LGR5: variants seen among roughly 807,000 people sequenced by gnomAD.
LGR5 encodes leucine rich repeat containing G protein-coupled receptor 5, also known as leucine-rich repeat-containing G protein-coupled receptor 5.
Under a neutral mutation model 76.7 loss-of-function variants are expected in LGR5, and 54 were observed. That is an observed-to-expected ratio of 0.70 (90% CI 0.57 to 0.88). The LOEUF is 0.88. LGR5 is among the 40% of genes least tolerant of loss of function. The pLI is 0.00. For missense variants in LGR5, 1,078 were observed against 1,073.3 expected, an observed-to-expected ratio of 1.00 and a Z score of -0.06; for synonymous variants, 406 against 421.9, an observed-to-expected ratio of 0.96 and a Z score of 0.46.
chr12:71,545,346 G>A (rs1431353171), intron 4 of LGR5, among the ~76,000 whole-genome samples: 1 of 152,084 alleles, frequency 6.6e-6, no homozygotes, highest in Admixed American at 6.5e-5. Context: ...TGCTCTGCTG[G>A]GGAGGCTGAG....
At chr12:71,560,582 A>G (rs2075567832) in intron 7 of LGR5, among the ~76,000 whole-genome samples, 1 of 152,200 alleles carries the variant, frequency 6.6e-6, no homozygotes, top group Admixed American at 6.5e-5. Flanking sequence ...ACTCGAGGCC[A>G]GGAGTTCGAG....
At chr12:71,560,717 A>G (rs551167413) in intron 7 of LGR5, among the ~76,000 whole-genome samples, 5 of 152,298 alleles carry the variant, frequency 3.3e-5, no homozygotes, top group African/African-American at 4.8e-5. Flanking sequence ...GCTTTGAACC[A>G]GAGGGGCGGT....
rs1212076499 is a variant in LGR5 at position 71,440,738 on chromosome 12, G to A, written c.212+446G>A. Among the ~76,000 whole-genome samples the A allele has an allele frequency of 6.6e-6, 1 of 152,212 alleles. No individual in the cohort carries two copies. The highest frequency in any genetic ancestry group is 2.1e-4 in the South Asian group (1 of 4,836). The stretch of plus-strand genomic sequence containing the variant: ...GTCTGTAGAAAGTTTCCCCAAAGGA[G>A]AAACAACTTGCCCAGCTCCAAAGGG... On this transcript the variant is annotated intron_variant, in intron 1 of 17. Coordinates refer to ENST00000266674, the MANE Select transcript of LGR5 (RefSeq NM_003667.4). This position sits in a 1 kb window ranked among gnomAD's most constrained non-coding sequence, Gnocchi z 5.3.
chr12:71,562,744 C>G (rs1878124040), intron 8 of LGR5, among the ~76,000 whole-genome samples: 1 of 152,020 alleles, frequency 6.6e-6, no homozygotes, highest in Non-Finnish European at 1.5e-5. Context: ...GAATGAGAAG[C>G]CTGAATATAG....
At chr12:71,454,078 T>A (rs779286271) in intron 1 of LGR5, among the ~76,000 whole-genome samples, 9 of 152,134 alleles carry the variant, frequency 5.9e-5, no homozygotes, top group Non-Finnish European at 1.0e-4. Context: ...TGAGCAGTTC[T>A]TGGAGCAGAC....
chr12:71,575,950 G>A (rs1396761891), intron 13 of LGR5, among the ~76,000 whole-genome samples: 2 of 152,150 alleles, frequency 1.3e-5, no homozygotes, highest in Non-Finnish European at 2.9e-5. Context: ...CACATGGGTG[G>A]AGCTGGAAGC....
intron 1 of LGR5, among the ~76,000 whole-genome samples, chr12:71,501,084 A>C (rs1051588063): frequency 6.6e-6 from 1 of 151,710 alleles, no homozygotes; most frequent in Non-Finnish European, 1.5e-5. Context: ...GATATGTTTT[A>C]AAAAAACAGA....
intron 1 of LGR5, among the ~76,000 whole-genome samples, chr12:71,484,755 A>G (rs1305517311): frequency 1.3e-5 from 2 of 152,236 alleles, no homozygotes; most frequent in African/African-American, 4.8e-5. Flanking sequence ...CCTCTCCACA[A>G]ATAACTACAT....
chr12:71,535,202 A>G lies in LGR5; in HGVS notation c.428+16A>G, dbSNP rs747448404. On this transcript the variant is annotated intron_variant, in intron 4 of 17. Coordinates refer to ENST00000266674, the MANE Select transcript of LGR5 (RefSeq NM_003667.4). The stretch of plus-strand genomic sequence containing the variant: ...TTCAATCCCTGTAAGTATAGTAGAC[A>G]TTGCAAAATATATTTAAGATCAATT... The G allele has an allele frequency of 6.0e-6, 9 of 1,500,242 alleles. No individual in the cohort carries two copies. The highest frequency in any genetic ancestry group is 1.1e-5 in the South Asian group (1 of 87,464). 92.9% of individuals were successfully genotyped at this position (1,500,242 alleles called of 1,614,324 possible). A position where few individuals can be genotyped will look rare whatever the true frequency, so the allele number is the denominator to read the frequency against.
In LGR5 at chr12:71,584,132, G is replaced by A. The variant is rs575136590; in HGVS notation, c.2122G>A (p.Ala708Thr). Residue 708 changes from alanine to threonine, a missense_variant, in exon 18 of 18, where the codon GCC becomes ACC. Ala to Thr is a moderately conservative substitution (Grantham distance 58). Transcript: ENST00000266674. The part of the protein sequence containing the change: ...VPLLGGSKYG[A>T]SPLCLPLPFG... The stretch of plus-strand genomic sequence containing the variant: ...CCTGCTGGGTGGCAGCAAGTATGGC[G>A]CCTCCCCTCTCTGCCTGCCTTTGCC... The A allele has an allele frequency of 2.7e-5, 44 of 1,614,116 alleles. No individual in the cohort carries two copies. Among genetic ancestry groups the A allele is most frequent in the South Asian group, 1.8e-4 (16 of 91,082 alleles).
chr12:71,553,042 CT>C (rs1243579340), intron 4 of LGR5, 30 bp from the exon 5 acceptor site: 1 of 1,603,794 alleles, frequency 6.2e-7, no homozygotes, highest in Non-Finnish European at 8.5e-7. Context: ...GCTTTGCTCT[CT>C]TTTCCATTCT....
intron 8 of LGR5, among the ~76,000 whole-genome samples, chr12:71,565,353 T>C (rs1362143684): frequency 6.6e-6 from 1 of 150,788 alleles, no homozygotes; most frequent in Admixed American, 6.6e-5. Flanking sequence ...CTCAATTTTC[T>C]CTTCCAAAAG....
At chr12:71,555,050 G>T (rs887763644) in intron 5 of LGR5, among the ~76,000 whole-genome samples, 1 of 151,906 alleles carries the variant, frequency 6.6e-6, no homozygotes, top group African/African-American at 2.4e-5. Context: ...TTGAGGGCTG[G>T]CCAATATCTT....
chr12:71,459,284 A>T (rs1290188630), intron 1 of LGR5, among the ~76,000 whole-genome samples: 1 of 152,060 alleles, frequency 6.6e-6, no homozygotes, highest in Non-Finnish European at 1.5e-5. Context: ...TATCTCATTC[A>T]TTTTCAATTC....
intron 1 of LGR5, among the ~76,000 whole-genome samples, chr12:71,475,651 C>T (rs11178819): frequency 0.038 from 5,847 of 152,290 alleles, 383 homozygotes; most frequent in African/African-American, 0.13. Context: ...ACTCATCCCC[C>T]CCTTATCATA....
At position 71,584,863 on chromosome 12, in the gene LGR5, G is replaced by T; in HGVS notation, c.*129G>T. The T allele has an allele frequency of 1.1e-6, 1 of 930,944 alleles. No individual in the cohort carries two copies. Among genetic ancestry groups the T allele is most frequent in the Non-Finnish European group, 1.6e-6 (1 of 622,476 alleles). The allele number at this position is 930,944 out of a possible 1,614,324, so 57.7% of individuals were successfully genotyped here. Reference sequence around the variant, plus strand: ...TTAAAAACCAAAAAAGAATCTCTCAGTTAGTAAGAAAAGGCTGAAAACCTC... The same window carrying T: ...TTAAAAACCAAAAAAGAATCTCTCATTTAGTAAGAAAAGGCTGAAAACCTC... On this transcript the variant is annotated 3_prime_UTR_variant, in exon 18 of 18. Transcript: ENST00000266674.
chr12:71,527,737 T>C (rs1196125286), intron 3 of LGR5, among the ~76,000 whole-genome samples: 2 of 152,244 alleles, frequency 1.3e-5, no homozygotes, highest in Non-Finnish European at 2.9e-5. Flanking sequence ...CATTGGGGAT[T>C]AAGTTTCAAC....
intron 4 of LGR5, 89 bp from the exon 5 acceptor site, chr12:71,552,984 T>C (rs190658745): frequency 8.2e-5 from 97 of 1,187,868 alleles, no homozygotes; most frequent in Non-Finnish European, 8.7e-5. Flanking sequence ...CCACTCTTGT[T>C]CATCATGCAT....
intron 4 of LGR5, among the ~76,000 whole-genome samples, chr12:71,536,438 C>T (rs1374139435): frequency 6.6e-6 from 1 of 152,206 alleles, no homozygotes; most frequent in Non-Finnish European, 1.5e-5. Context: ...TATAGATAAA[C>T]AAGCCCACAA....
Sources: allele counts gnomAD v4.1 joint callset (sites outside exome capture counted in the v4.1 genomes callset), GRCh38; gene constraint gnomAD v4.1.1; non-coding constraint Gnocchi (gnomAD v3.1); transcripts MANE v1.5; gene names NCBI Gene and HGNC (gene_info 2026-07-23, HGNC 2026-07-21).